SPIDR: variants seen among roughly 807,000 people sequenced by gnomAD.
SPIDR encodes DNA repair-scaffolding protein.
Under a neutral mutation model 104.6 loss-of-function variants are expected in SPIDR, and 93 were observed. The observed-to-expected ratio is 0.89, with a 90% CI of 0.75 to 1.06. The LOEUF (loss-of-function observed/expected upper bound fraction) is 1.06, where lower values mean the gene tolerates loss of function less well. SPIDR is among the 50% of genes least tolerant of loss of function. The pLI is 0.00. For missense variants in SPIDR, 1,154 were observed against 1,111.2 expected (o/e 1.04, Z -0.55); for synonymous variants, 431 against 416.9 (o/e 1.03, Z -0.41).
At position 47,599,024 on chromosome 8, in the gene SPIDR, A is replaced by G. The variant is rs775621074; in HGVS notation, c.1372A>G (p.Ser458Gly). Residue 458 changes from serine to glycine, a missense_variant, in exon 10 of 20, where the codon AGC (serine) becomes GGC (glycine). By Grantham distance (56) the Ser-to-Gly change is moderately conservative. Coordinates refer to ENST00000297423, the MANE Select transcript of SPIDR (RefSeq NM_001080394.4). Reference protein sequence around the residue: ...HKEAKQRIPTSTPLRDSLLDV... With the variant: ...HKEAKQRIPTGTPLRDSLLDV... ...AGAAGCAAAACAGCGCATCCCAACC[A>G]GCACTCCCCTGAGGGATTCTCTCCT... is the stretch of plus-strand genomic sequence containing the variant. 31 of 1,613,266 alleles carry G rather than the reference A, an allele frequency of 1.9e-5. No individual in the cohort carries two copies. The Middle Eastern group carries it at 4.9e-4, about 26-fold the overall frequency.
intron 7 of SPIDR, among the ~76,000 whole-genome samples, chr8:47,413,402 G>C (rs1554673206): frequency 6.6e-6 from 1 of 152,232 alleles, no homozygotes; most frequent in African/African-American, 2.4e-5. Flanking sequence ...CAGGCCTCCT[G>C]GTTCCCAGTG....
At chr8:47,638,636 A>C (rs1465323876) in intron 10 of SPIDR, among the ~76,000 whole-genome samples, 1 of 152,190 alleles carries the variant, frequency 6.6e-6, no homozygotes, top group Non-Finnish European at 1.5e-5. Flanking sequence ...GTTGTTTACT[A>C]ATTTGCTATT....
rs185771310 is a variant in SPIDR at position 47,708,204 on chromosome 8, C to T, written c.1978-4458C>T. On this transcript the variant is annotated intron_variant, in intron 14 of 19. Coordinates refer to ENST00000297423, the MANE Select transcript of SPIDR (RefSeq NM_001080394.4). ...ATCCCAGCTACCCGGGAGTCTGAGG[C>T]TGGAGAATCACTTGAACCTGGGAGA... Among the ~76,000 whole-genome samples, 9 of 152,362 alleles carry T rather than the reference C, an allele frequency of 5.9e-5. No individual in the cohort carries two copies. The East Asian group carries it at 1.5e-3, about 26-fold the overall frequency.
intron 5 of SPIDR, among the ~76,000 whole-genome samples, chr8:47,316,462 C>A (rs1371945459): frequency 1.3e-5 from 2 of 152,120 alleles, no homozygotes; most frequent in East Asian, 3.8e-4. Flanking sequence ...AGCTCATATA[C>A]CCACCAGTTG....
chr8:47,427,306 GT>G (rs781864418), intron 7 of SPIDR, among the ~76,000 whole-genome samples: 76 of 142,658 alleles, frequency 5.3e-4, no homozygotes, highest in Non-Finnish European at 5.8e-4. Flanking sequence ...TTGGGACAGG[GT>G]TTTTTTTTTT....
chr8:47,261,005 C>T lies in SPIDR; in HGVS notation c.33+14C>T, dbSNP rs1477627390. The T allele has an allele frequency of 8.1e-6, 10 of 1,227,662 alleles. No homozygotes were observed. The highest frequency in any genetic ancestry group is 3.2e-5 in the East Asian group (1 of 31,430). 76.0% of individuals were successfully genotyped at this position (1,227,662 alleles called of 1,614,324 possible). On this transcript the variant is annotated intron_variant, in intron 1 of 19. Coordinates refer to ENST00000297423, the MANE Select transcript of SPIDR (RefSeq NM_001080394.4). The stretch of plus-strand genomic sequence containing the variant: ...CGGGGCTCTAAGGTAGGCTCTGGGG[C>T]GGGAGTGGGCGCCGCGCCGTTTCCC...
chr8:47,492,780 C>T (rs1007732022), intron 8 of SPIDR, among the ~76,000 whole-genome samples: 1 of 152,090 alleles, frequency 6.6e-6, no homozygotes, highest in South Asian at 2.1e-4. Flanking sequence ...ATGTTAGAGC[C>T]CGCTTCTCAG....
chr8:47,261,284 G>C (rs941625566), intron 1 of SPIDR, among the ~76,000 whole-genome samples: 7 of 152,216 alleles, frequency 4.6e-5, no homozygotes, highest in African/African-American at 1.2e-4. Context: ...GTCCGCCTCG[G>C]GGGTACTTGG....
chr8:47,445,313 A>C (rs572668751), intron 8 of SPIDR, among the ~76,000 whole-genome samples: 1 of 152,298 alleles, frequency 6.6e-6, no homozygotes, highest in African/African-American at 2.4e-5. Flanking sequence ...GTGATCCGTG[A>C]TAAGTGATCT....
chr8:47,307,631 C>A (rs587711708), intron 5 of SPIDR, among the ~76,000 whole-genome samples: 1 of 150,076 alleles, frequency 6.7e-6, no homozygotes, highest in Non-Finnish European at 1.5e-5. Context: ...CTCTGCCTCC[C>A]GGGTTCAAGC....
At chr8:47,292,909 T>C (rs1215113103) in intron 4 of SPIDR, among the ~76,000 whole-genome samples, 2 of 152,132 alleles carry the variant, frequency 1.3e-5, no homozygotes, top group Non-Finnish European at 2.9e-5. Flanking sequence ...GAATGAGTGC[T>C]GCACAGATGT....
At chr8:47,554,620 T>G (rs1247061850) in intron 8 of SPIDR, among the ~76,000 whole-genome samples, 1 of 152,180 alleles carries the variant, frequency 6.6e-6, no homozygotes, top group Non-Finnish European at 1.5e-5. Context: ...ATTAGGGTGG[T>G]AGTGTCCCGA....
At chr8:47,728,634 G>T in intron 17 of SPIDR, 1 of 279,580 alleles carries the variant, frequency 3.6e-6, no homozygotes, top group South Asian at 4.8e-5. Context: ...GGGCCAGGGG[G>T]CAGCCTGACC....
At chr8:47,540,895 T>C (rs1202308435) in intron 8 of SPIDR, among the ~76,000 whole-genome samples, 1 of 152,234 alleles carries the variant, frequency 6.6e-6, no homozygotes, top group Non-Finnish European at 1.5e-5. Context: ...CGTCTCACTC[T>C]GTTGCCTAGG....
rs562254729 is a variant in SPIDR at position 47,463,660 on chromosome 8, A to C, written c.1097+23118A>C. On this transcript the variant is annotated intron_variant, in intron 8 of 19. Coordinates refer to ENST00000297423, the MANE Select transcript of SPIDR (RefSeq NM_001080394.4). ...AAATTGTATTGAGCAGCAGATTAAAAGAGTTATACCCCATTTCCAAAAGGG... is the reference window on the plus strand; with the variant it reads ...AAATTGTATTGAGCAGCAGATTAAACGAGTTATACCCCATTTCCAAAAGGG... Among the ~76,000 whole-genome samples, 7 of 152,364 alleles carry C rather than the reference A, an allele frequency of 4.6e-5. No individual in the cohort carries two copies. The East Asian group carries it at 7.7e-4, about 17-fold the overall frequency.
chr8:47,413,682 C>T (rs1256338577), intron 7 of SPIDR, among the ~76,000 whole-genome samples: 7 of 152,176 alleles, frequency 4.6e-5, no homozygotes, highest in African/African-American at 1.7e-4. Context: ...TGTCCTGTTT[C>T]CCCCTTCAAC....
At chr8:47,570,993 A>C (rs962954053) in intron 8 of SPIDR, among the ~76,000 whole-genome samples, 5 of 152,082 alleles carry the variant, frequency 3.3e-5, no homozygotes, top group Non-Finnish European at 5.9e-5. Flanking sequence ...CGGGAAGCTG[A>C]GACAGGAGAA....
intron 7 of SPIDR, among the ~76,000 whole-genome samples, chr8:47,438,625 G>C (rs534487252): frequency 6.6e-6 from 1 of 152,340 alleles, no homozygotes; most frequent in South Asian, 2.1e-4. Flanking sequence ...CTTCCCTAGA[G>C]TGACCAGCAG....
chr8:47,647,616 A>AGAGAGAGAGAG (rs2070674174), intron 10 of SPIDR, among the ~76,000 whole-genome samples: 3 of 60,460 alleles, frequency 5.0e-5, no homozygotes, highest in African/African-American at 5.7e-5. Context: ...TCCATCTCGA[A>AGAGAGAGAGAG]AGAGAGAGAG....
Sources: allele counts gnomAD v4.1 joint callset (sites outside exome capture counted in the v4.1 genomes callset), GRCh38; gene constraint gnomAD v4.1.1; transcripts MANE v1.5; gene names NCBI Gene and HGNC (gene_info 2026-07-23, HGNC 2026-07-21).